The following PCDH15 variants were observed in gnomAD, a reference collection of about 807,000 sequenced individuals.
PCDH15 encodes protocadherin related 15, also known as protocadherin-15.
In PCDH15, 129 loss-of-function variants were observed where a neutral mutation model predicts 178.5. The observed-to-expected ratio is 0.72, with a 90% CI of 0.63 to 0.84. The LOEUF (loss-of-function observed/expected upper bound fraction) is 0.84, where lower values mean the gene tolerates loss of function less well. PCDH15 is among the 40% of genes least tolerant of loss of function. The pLI is 0.00. For missense variants in PCDH15, 2,230 were observed against 2,099.9 expected, an observed-to-expected ratio of 1.06 and a Z score of -1.21; for synonymous variants, 800 against 732.0, an observed-to-expected ratio of 1.09 and a Z score of -1.50.
chr10:55,408,823 C>A (rs889208606), intron 2 of PCDH15, among the ~76,000 whole-genome samples: 1 of 152,074 alleles, frequency 6.6e-6, no homozygotes, highest in Non-Finnish European at 1.5e-5. Flanking sequence ...CACTAAAGCT[C>A]ATCTTATCTA....
intron 2 of PCDH15, among the ~76,000 whole-genome samples, chr10:54,538,939 T>C (rs2084883656): frequency 1.3e-5 from 2 of 152,218 alleles, no homozygotes; most frequent in Admixed American, 1.3e-4. Flanking sequence ...AATTTCAGAA[T>C]TTTTTCTAAT....
At chr10:55,551,211 A>C (rs560165193) in intron 2 of PCDH15, among the ~76,000 whole-genome samples, 2 of 152,172 alleles carry the variant, frequency 1.3e-5, no homozygotes, top group Non-Finnish European at 2.9e-5. Context: ...GGCTATTATG[A>C]AAATAGAAGC....
chr10:54,937,183 T>TG (rs779441411), intron 2 of PCDH15, among the ~76,000 whole-genome samples: 25 of 151,880 alleles, frequency 1.6e-4, no homozygotes, highest in Non-Finnish European at 2.8e-4. Context: ...GTCTATCCTA[T>TG]GTCAAGATCA....
At chr10:54,516,144 G>A (rs1416681326) in intron 3 of PCDH15, among the ~76,000 whole-genome samples, 1 of 152,202 alleles carries the variant, frequency 6.6e-6, no homozygotes, top group East Asian at 1.9e-4. Context: ...AAAGCTGGAT[G>A]GAGAATGCTT....
At chr10:54,169,614 C>A (rs1251804599) in intron 13 of PCDH15, among the ~76,000 whole-genome samples, 2 of 149,898 alleles carry the variant, frequency 1.3e-5, no homozygotes, top group Non-Finnish European at 3.0e-5. Context: ...GCCTCCTTTG[C>A]ATACTCCTCT....
At chr10:54,572,221 T>C (rs1194541865) in intron 2 of PCDH15, among the ~76,000 whole-genome samples, 1 of 152,124 alleles carries the variant, frequency 6.6e-6, no homozygotes, top group African/African-American at 2.4e-5. Flanking sequence ...TTACTGACAA[T>C]TACTTATTGA....
At chr10:53,941,333 C>T (rs1290481520) in intron 23 of PCDH15, among the ~76,000 whole-genome samples, 1 of 152,082 alleles carries the variant, frequency 6.6e-6, no homozygotes, top group South Asian at 2.1e-4. Flanking sequence ...TTCATCCCTC[C>T]CCTCAACTCA....
At chr10:54,573,940 AG>A (rs1476829220) in intron 2 of PCDH15, among the ~76,000 whole-genome samples, 1 of 152,108 alleles carries the variant, frequency 6.6e-6, no homozygotes, top group Non-Finnish European at 1.5e-5. Flanking sequence ...TTGTCAGATG[AG>A]TAGGTTGTGA....
intron 2 of PCDH15, among the ~76,000 whole-genome samples, chr10:55,611,130 A>T (rs1843356954): frequency 6.6e-6 from 1 of 152,062 alleles, no homozygotes; most frequent in Admixed American, 6.6e-5. Flanking sequence ...ATGATTTCTT[A>T]GATATGACCA....
chr10:54,179,098 G>A (rs546475125), intron 13 of PCDH15, among the ~76,000 whole-genome samples: 1 of 152,224 alleles, frequency 6.6e-6, no homozygotes, highest in Admixed American at 6.5e-5. Context: ...AAATCAGGCT[G>A]CTATAAAGAC....
intron 2 of PCDH15, among the ~76,000 whole-genome samples, chr10:55,445,523 A>G (rs7913587): frequency 0.37 from 56,119 of 152,012 alleles, 11,743 homozygotes; most frequent in African/African-American, 0.58. Context: ...CCCATACTAC[A>G]TAAAACAATG....
At chr10:54,859,542 T>C (rs993311491) in intron 3 of PCDH15, among the ~76,000 whole-genome samples, 2 of 152,050 alleles carry the variant, frequency 1.3e-5, no homozygotes, top group African/African-American at 4.8e-5. Flanking sequence ...TCCAGAGTAC[T>C]GCTTTATAGC....
At chr10:55,084,452 C>T (rs910033857) in intron 2 of PCDH15, among the ~76,000 whole-genome samples, 3 of 125,008 alleles carry the variant, frequency 2.4e-5, no homozygotes, top group East Asian at 2.8e-4. Flanking sequence ...AAATCTAAGA[C>T]CTCAAGCTGT....
intron 21 of PCDH15, among the ~76,000 whole-genome samples, chr10:53,979,703 C>A (rs2090467797): frequency 1.3e-5 from 2 of 152,122 alleles, no homozygotes; most frequent in Non-Finnish European, 2.9e-5. Flanking sequence ...ACAATTATTT[C>A]CCAACATTTC....
At chr10:55,178,884 T>C (rs1010552708) in intron 1 of PCDH15, among the ~76,000 whole-genome samples, 20 of 152,120 alleles carry the variant, frequency 1.3e-4, no homozygotes, top group Non-Finnish European at 2.8e-4. Flanking sequence ...GAAATCTCTT[T>C]TCTAAAATTT....
At chr10:54,941,530 T>G (rs1838062904) in intron 2 of PCDH15, among the ~76,000 whole-genome samples, 1 of 152,088 alleles carries the variant, frequency 6.6e-6, no homozygotes, top group Non-Finnish European at 1.5e-5. Flanking sequence ...CTTTTAGTTC[T>G]TTGAACACAT....
At chr10:54,440,171 A>C (rs2075709485) in intron 3 of PCDH15, among the ~76,000 whole-genome samples, 1 of 152,016 alleles carries the variant, frequency 6.6e-6, no homozygotes, top group African/African-American at 2.4e-5. Context: ...GCTGTTTTTC[A>C]TTCACAACAA....
intron 2 of PCDH15, among the ~76,000 whole-genome samples, chr10:54,649,560 GAAC>G (rs1191021758): frequency 3.9e-5 from 6 of 151,954 alleles, no homozygotes; most frequent in South Asian, 2.1e-4. Context: ...TTTCAATGAA[GAAC>G]AATATATATG....
intron 3 of PCDH15, among the ~76,000 whole-genome samples, chr10:54,849,927 A>G (rs1057036464): frequency 2.0e-5 from 3 of 152,198 alleles, no homozygotes; most frequent in Non-Finnish European, 4.4e-5. Context: ...GACTATTTGA[A>G]GGGTATATCA....
Sources: gnomAD v4.1 joint callset for allele counts (sites outside exome capture counted in the v4.1 genomes callset) on GRCh38, gnomAD v4.1.1 for gene constraint, MANE v1.5 for transcripts, NCBI Gene and HGNC (gene_info 2026-07-23, HGNC 2026-07-21) for gene names.